COL24A1: variants seen among roughly 807,000 people sequenced by gnomAD.
The protein encoded by COL24A1 is collagen type XXIV alpha 1 chain, also known as collagen alpha-1(XXIV) chain.
In COL24A1, 224 loss-of-function variants were observed where a neutral mutation model predicts 253.9. That is an observed-to-expected ratio of 0.88 (90% CI 0.79 to 0.99). COL24A1 has a LOEUF of 0.99. COL24A1 is among the 50% of genes least tolerant of loss of function. COL24A1 has a pLI of 0.00. For missense variants in COL24A1, 2,131 were observed against 2,068.5 expected (o/e 1.03, Z -0.59); for synonymous variants, 685 against 673.7 (o/e 1.02, Z -0.26).
chr1:86,059,513 T>G (rs1379489987), intron 8 of COL24A1, among the ~76,000 whole-genome samples: 1 of 152,138 alleles, frequency 6.6e-6, no homozygotes, highest in Non-Finnish European at 1.5e-5. Flanking sequence ...AATTCTTTCT[T>G]GTTTCGATCA....
chr1:85,917,746 A>G (rs2102982569), intron 24 of COL24A1, among the ~76,000 whole-genome samples: 1 of 152,248 alleles, frequency 6.6e-6, no homozygotes, highest in East Asian at 1.9e-4. Flanking sequence ...GCTGGAGTGC[A>G]GTGGCATGAT....
chr1:85,823,670 G>C lies in COL24A1; in HGVS notation c.3735+15C>G. ...ATTAATGTTAATTTTTAGAAATAAT[G>C]CTTTCAAAACATACTGGGGGTCCTT... is the stretch of plus-strand genomic sequence containing the variant. On this transcript the variant is annotated intron_variant, in intron 44 of 59. Transcript: ENST00000370571. 1.2e-6 allele frequency: 2 copies of C among 1,613,422 alleles called. No individual in the cohort carries two copies. The highest frequency in any genetic ancestry group is 1.7e-6 in the Non-Finnish European group (2 of 1,179,504).
intron 32 of COL24A1, among the ~76,000 whole-genome samples, chr1:85,880,097 A>C (rs1324380502): frequency 1.3e-5 from 2 of 152,210 alleles, no homozygotes; most frequent in African/African-American, 4.8e-5. Flanking sequence ...TTGACTTGAT[A>C]GATCCATTTG....
intron 32 of COL24A1, among the ~76,000 whole-genome samples, chr1:85,883,077 G>A (rs912090050): frequency 4.6e-5 from 7 of 152,146 alleles, no homozygotes; most frequent in Non-Finnish European, 1.0e-4. Context: ...AAGTGACTAT[G>A]ATATCATTGA....
intron 5 of COL24A1, among the ~76,000 whole-genome samples, chr1:86,095,347 T>C (rs1427418827): frequency 6.6e-6 from 1 of 152,088 alleles, no homozygotes; most frequent in Non-Finnish European, 1.5e-5. Flanking sequence ...GACACATATA[T>C]GTCAAATTTC....
intron 37 of COL24A1, among the ~76,000 whole-genome samples, chr1:85,867,464 T>C (rs1354159157): frequency 1.3e-5 from 2 of 152,182 alleles, no homozygotes; most frequent in Admixed American, 6.5e-5. Context: ...GCTGTAATCT[T>C]TAAAAGGCAG....
chr1:85,994,311 A>C (rs557730720), intron 19 of COL24A1, among the ~76,000 whole-genome samples: 10 of 152,070 alleles, frequency 6.6e-5, no homozygotes, highest in African/African-American at 2.4e-4. Flanking sequence ...TATATAGTTT[A>C]TATTCAATAA....
At chr1:86,105,435 T>C (rs377012836) in intron 5 of COL24A1, among the ~76,000 whole-genome samples, 32 of 152,166 alleles carry the variant, frequency 2.1e-4, no homozygotes, top group African/African-American at 7.7e-4. Context: ...GTGCAGGAGT[T>C]ATGATGCGGG....
chr1:85,977,759 G>T (rs1260247372), intron 20 of COL24A1, among the ~76,000 whole-genome samples: 2 of 152,184 alleles, frequency 1.3e-5, no homozygotes, highest in South Asian at 2.1e-4. Context: ...AGAATAATTG[G>T]TGTTCCTGAG....
intron 39 of COL24A1, among the ~76,000 whole-genome samples, chr1:85,846,782 G>A (rs994288529): frequency 1.3e-5 from 2 of 151,984 alleles, no homozygotes; most frequent in Admixed American, 6.6e-5. Flanking sequence ...ATTATAAAAT[G>A]TTTTTGTATA....
At chr1:85,773,022 G>C (rs1570550350) in intron 53 of COL24A1, among the ~76,000 whole-genome samples, 1 of 152,078 alleles carries the variant, frequency 6.6e-6, no homozygotes, top group African/African-American at 2.4e-5. Context: ...TTAAGTCTTT[G>C]ATCCATCTTG....
rs187667240 is a variant in COL24A1 at position 86,000,344 on chromosome 1, T to A, written c.2311-12690A>T. Among the ~76,000 whole-genome samples, 440 of 152,350 alleles carry A rather than the reference T, an allele frequency of 2.9e-3. 2 individuals are homozygous for A. The highest frequency in any genetic ancestry group is 7.9e-3 in the South Asian group (38 of 4,830). ...AGACTAAATTTTCCTAAATTATTGA[T>A]AACATTTTATTTTTTAATATATCTT... On this transcript the variant is annotated intron_variant, in intron 19 of 59. Transcript: ENST00000370571.
At chr1:85,913,934 C>A (rs1024881677) in intron 24 of COL24A1, among the ~76,000 whole-genome samples, 1 of 152,152 alleles carries the variant, frequency 6.6e-6, no homozygotes, top group Non-Finnish European at 1.5e-5. Flanking sequence ...ATATTTATTT[C>A]CCACAGTGTT....
chr1:85,862,941 T>A (rs773983169), intron 37 of COL24A1, among the ~76,000 whole-genome samples: 3 of 152,150 alleles, frequency 2.0e-5, no homozygotes, highest in Admixed American at 6.5e-5. Flanking sequence ...ATTCTTCCTA[T>A]CCATGAGCAT....
chr1:86,045,861 C>A (rs1167679879), intron 12 of COL24A1: 1 of 443,034 alleles, frequency 2.3e-6, no homozygotes, highest in Admixed American at 2.4e-5. Flanking sequence ...CATGAAGAAA[C>A]AATTCATGCC....
At chr1:85,735,136 G>A (rs1044218937) in intron 58 of COL24A1, among the ~76,000 whole-genome samples, 172 bp from the exon 59 acceptor site, 3 of 152,090 alleles carry the variant, frequency 2.0e-5, no homozygotes, top group African/African-American at 7.2e-5. Flanking sequence ...GCTTCTTGGA[G>A]GAAAAACCAT....
intron 52 of COL24A1, among the ~76,000 whole-genome samples, chr1:85,779,671 T>C (rs1428612387): frequency 6.6e-6 from 1 of 152,196 alleles, no homozygotes; most frequent in African/African-American, 2.4e-5. Context: ...TATGCCATTT[T>C]TGTTGTAAGT....
chr1:85,734,641 T>C (rs1663856351), intron 59 of COL24A1, 108 bp downstream of exon 59: 3 of 952,028 alleles, frequency 3.2e-6, no homozygotes, highest in East Asian at 2.5e-5. Context: ...ACTACCCTTC[T>C]GTATCTGCAG....
Position 86,156,604 on chromosome 1 carries a change from A to T in COL24A1, c.-208T>A. On this transcript the variant is annotated 5_prime_UTR_variant, in exon 1 of 60. Transcript: ENST00000370571. ...ACCCGAAGGGGAGGACAGGCTTCCT[A>T]GCTCTCTGGCTCGGTAACGAACGAG... The T allele has an allele frequency of 2.4e-6, 1 of 424,570 alleles. No homozygotes were observed. Among genetic ancestry groups the T allele is most frequent in the Non-Finnish European group, 4.1e-6 (1 of 241,138 alleles). The allele number at this position is 424,570 out of a possible 1,614,324, so 26.3% of individuals were successfully genotyped here.
Sources: allele counts gnomAD v4.1 joint callset (sites outside exome capture counted in the v4.1 genomes callset), GRCh38; gene constraint gnomAD v4.1.1; transcripts MANE v1.5; gene names NCBI Gene and HGNC (gene_info 2026-07-23, HGNC 2026-07-21).